The following KCNIP4 variants were observed in gnomAD, a reference collection of about 807,000 sequenced individuals.
KCNIP4 encodes potassium voltage-gated channel interacting protein 4.
KCNIP4 carries 12 observed loss-of-function variants against 34.0 expected under a neutral mutation model. That is an observed-to-expected ratio of 0.35 (90% CI 0.23 to 0.57). The LOEUF is 0.57. KCNIP4 is among the 20% of genes least tolerant of loss of function. The pLI is 0.83. For missense variants in KCNIP4, 238 were observed against 311.7 expected (o/e 0.76, Z 1.78); for synonymous variants, 124 against 102.2 (o/e 1.21, Z -1.29).
chr4:21,673,719 T>C (rs1313986948), intron 1 of KCNIP4, among the ~76,000 whole-genome samples: 1 of 152,184 alleles, frequency 6.6e-6, no homozygotes, highest in Non-Finnish European at 1.5e-5. Flanking sequence ...AGACTTGAAC[T>C]AGCTAGTGGT....
intron 1 of KCNIP4, among the ~76,000 whole-genome samples, chr4:21,410,740 T>C (rs1286887175): frequency 1.3e-5 from 2 of 152,244 alleles, no homozygotes; most frequent in Non-Finnish European, 2.9e-5. Context: ...TGCTTATTAC[T>C]TTAATGAGTT....
chr4:20,856,395 C>T (rs1316089054), intron 2 of KCNIP4, among the ~76,000 whole-genome samples: 1 of 152,120 alleles, frequency 6.6e-6, no homozygotes, highest in Non-Finnish European at 1.5e-5. Context: ...TTTCTGAAGC[C>T]TCTCTGGATT....
intron 1 of KCNIP4, among the ~76,000 whole-genome samples, chr4:21,482,224 T>C (rs1229296214): frequency 1.3e-5 from 2 of 152,166 alleles, no homozygotes; most frequent in African/African-American, 4.8e-5. Flanking sequence ...TGAGATGGGT[T>C]TCCTGAATAT....
intron 1 of KCNIP4, among the ~76,000 whole-genome samples, chr4:20,972,701 T>A (rs1735091205): frequency 6.6e-6 from 1 of 152,106 alleles, no homozygotes; most frequent in Non-Finnish European, 1.5e-5. Context: ...AGATTTATTG[T>A]GAAGTGCAAA....
intron 1 of KCNIP4, among the ~76,000 whole-genome samples, chr4:21,753,211 T>C (rs1717270369): frequency 6.6e-6 from 1 of 152,186 alleles, no homozygotes; most frequent in Non-Finnish European, 1.5e-5. Context: ...GCAAAGGTTT[T>C]TCACACTATC....
intron 3 of KCNIP4, among the ~76,000 whole-genome samples, chr4:20,771,733 G>A (rs1553893453): frequency 6.6e-6 from 1 of 151,902 alleles, no homozygotes; most frequent in East Asian, 1.9e-4. Flanking sequence ...GCAGTGCTGC[G>A]ATCTCGGCTC....
At chr4:20,802,676 G>A (rs899447666) in intron 3 of KCNIP4, among the ~76,000 whole-genome samples, 1 of 152,140 alleles carries the variant, frequency 6.6e-6, no homozygotes, top group Non-Finnish European at 1.5e-5. Context: ...GTAGAAATTA[G>A]TAACCAAGGG....
intron 1 of KCNIP4, among the ~76,000 whole-genome samples, chr4:21,321,760 A>C (rs1409108360): frequency 1.4e-5 from 2 of 142,190 alleles, no homozygotes; most frequent in East Asian, 2.5e-4. Context: ...GAGGGAAGGA[A>C]GGAAAGAAGG....
At chr4:20,979,363 A>G (rs1408943567) in intron 1 of KCNIP4, among the ~76,000 whole-genome samples, 1 of 151,830 alleles carries the variant, frequency 6.6e-6, no homozygotes, top group Admixed American at 6.6e-5. Flanking sequence ...GAATTGCTAC[A>G]AAAGCATAAC....
At chr4:20,758,071 C>A (rs529172432) in intron 4 of KCNIP4, among the ~76,000 whole-genome samples, 5 of 152,248 alleles carry the variant, frequency 3.3e-5, no homozygotes, top group Admixed American at 3.3e-4. Flanking sequence ...ATTCCCCCTA[C>A]GTGATCAGCA....
chr4:20,944,338 G>A (rs1560589554), intron 1 of KCNIP4, among the ~76,000 whole-genome samples: 2 of 152,154 alleles, frequency 1.3e-5, no homozygotes, highest in South Asian at 2.1e-4. Context: ...CACCTTGAAA[G>A]GGACTGGAGT....
intron 1 of KCNIP4, among the ~76,000 whole-genome samples, chr4:21,899,748 C>G (rs1195340279): frequency 6.6e-6 from 1 of 151,970 alleles, no homozygotes; most frequent in Non-Finnish European, 1.5e-5. Flanking sequence ...GGAAGGAACT[C>G]TACACTGAAA....
chr4:21,584,021 T>C (rs552112547), intron 1 of KCNIP4, among the ~76,000 whole-genome samples: 8 of 152,092 alleles, frequency 5.3e-5, no homozygotes, highest in East Asian at 1.9e-4. Context: ...TGAACTTAAT[T>C]TGAATAATAA....
intron 3 of KCNIP4, among the ~76,000 whole-genome samples, chr4:20,810,532 T>C (rs936657526): frequency 4.6e-5 from 7 of 152,002 alleles, no homozygotes; most frequent in African/African-American, 1.7e-4. Context: ...AAGATGACTA[T>C]AGTTGGATCT....
intron 3 of KCNIP4, among the ~76,000 whole-genome samples, chr4:20,775,536 T>TA (rs4054941): frequency 1.3e-3 from 168 of 126,840 alleles, no homozygotes; most frequent in Middle Eastern, 8.1e-3. Context: ...CTCAGTTTCT[T>TA]AAAAAAAAAA....
chr4:21,871,934 T>G (rs1045527322), intron 1 of KCNIP4, among the ~76,000 whole-genome samples: 1 of 151,916 alleles, frequency 6.6e-6, no homozygotes, highest in African/African-American at 2.4e-5. Flanking sequence ...AAAACCACAC[T>G]GCAGTTTTCC....
chr4:20,847,523 A>G (rs1720521163), intron 3 of KCNIP4, among the ~76,000 whole-genome samples: 1 of 150,700 alleles, frequency 6.6e-6, no homozygotes, highest in South Asian at 2.1e-4. Context: ...AGTGTACTGT[A>G]TTCTGTCTCT....
chr4:21,878,732 G>C (rs965520148), intron 1 of KCNIP4, among the ~76,000 whole-genome samples: 1 of 152,068 alleles, frequency 6.6e-6, no homozygotes, highest in African/African-American at 2.4e-5. Context: ...CAAACGTGAA[G>C]ACTCATAGAC....
intron 1 of KCNIP4, among the ~76,000 whole-genome samples, chr4:21,830,978 T>C (rs1207453800): frequency 6.6e-6 from 1 of 152,152 alleles, no homozygotes; most frequent in Non-Finnish European, 1.5e-5. Context: ...CACAGTGGTA[T>C]GACTAGAAAT....
Sources: gnomAD v4.1 joint callset for allele counts (sites outside exome capture counted in the v4.1 genomes callset) on GRCh38, gnomAD v4.1.1 for gene constraint, MANE v1.5 for transcripts, NCBI Gene and HGNC (gene_info 2026-07-23, HGNC 2026-07-21) for gene names.